ECPAS: variants seen among roughly 807,000 people sequenced by gnomAD.
ECPAS encodes the protein proteasome adapter and scaffold protein ECM29.
A neutral mutation model predicts 255.1 loss-of-function variants in ECPAS; 70 were observed. That is an observed-to-expected ratio of 0.27 (90% CI 0.23 to 0.33). ECPAS has a LOEUF of 0.33. Among genes scored for constraint, ECPAS ranks in the 10% least tolerant of loss-of-function variants. ECPAS has a pLI of 1.00. For missense variants in ECPAS, 1,817 were observed against 2,206.4 expected, an observed-to-expected ratio of 0.82 and a Z score of 3.54; for synonymous variants, 784 against 775.0, an observed-to-expected ratio of 1.01 and a Z score of -0.19.
chr9:111,472,950 A>C lies in ECPAS; in HGVS notation c.-32T>G, dbSNP rs1009035338. On this transcript the variant is annotated 5_prime_UTR_variant, in exon 2 of 50. Coordinates refer to ENST00000684092, the MANE Select transcript of ECPAS (RefSeq NM_001364929.1). ...TCCAATCTTGACAAAAATCCTCGGG[A>C]TCACCAATGGTACGTTCATCCACTC... The C allele has an allele frequency of 4.0e-6, 5 of 1,245,522 alleles. No homozygotes were observed. The highest frequency in any genetic ancestry group is 1.6e-5 in the African/African-American group (1 of 62,858). The allele number at this position is 1,245,522 out of a possible 1,614,324, so 77.2% of individuals were successfully genotyped here.
At chr9:111,366,747 G>A in intron 46 of ECPAS, 120 bp from the exon 47 acceptor site, 3 of 658,656 alleles carry the variant, frequency 4.6e-6, no homozygotes, top group Non-Finnish European at 5.5e-6. Flanking sequence ...AAAGAGAGAA[G>A]GTGGGGAGGA....
At chr9:111,407,409 A>AAAAAAAAAAC (rs2098186105) in intron 24 of ECPAS, among the ~76,000 whole-genome samples, 1 of 112,436 alleles carries the variant, frequency 8.9e-6, no homozygotes, top group Non-Finnish European at 1.7e-5. Flanking sequence ...CTCAGAAAAA[A>AAAAAAAAAAC]AAAAAAAAAA....
chr9:111,421,865 G>C, intron 15 of ECPAS, 56 bp downstream of exon 15: 1 of 1,574,496 alleles, frequency 6.4e-7, no homozygotes, highest in Non-Finnish European at 8.6e-7. Flanking sequence ...TTCAAATTTT[G>C]TTCTTAAAAA....
rs1169448548 is a variant in ECPAS, at chr9:111,411,005, G to C, written c.2352C>G (p.Leu784=). The C allele has an allele frequency of 1.2e-6, 2 of 1,613,834 alleles. No homozygotes were observed. The highest frequency in any genetic ancestry group is 1.7e-6 in the Non-Finnish European group (2 of 1,179,812). Residue 784 remains leucine (L), a synonymous_variant, in exon 22 of 50, where the codon CTC becomes CTG. Transcript: ENST00000684092. ...NADTLPDQEE[L]IQSATETIGS... ...CTATTGTTTCTGTAGCACTCTGAAT[G>C]AGTTCCTCTTGATCAGGGAGGGTGT...
chr9:111,417,834 T>C (rs1254868956), intron 17 of ECPAS, 49 bp downstream of exon 17: 1 of 1,465,784 alleles, frequency 6.8e-7, no homozygotes, highest in Non-Finnish European at 9.1e-7. Context: ...GTTTTTATTT[T>C]CATCATCCAT....
At chr9:111,427,999 A>T in intron 10 of ECPAS, 43 bp downstream of exon 10, 1 of 1,584,906 alleles carries the variant, frequency 6.3e-7, no homozygotes, top group South Asian at 1.2e-5. Flanking sequence ...AATAGACATA[A>T]AAGTTGCAGA....
chr9:111,471,232 C>G (rs2098287652), intron 2 of ECPAS, among the ~76,000 whole-genome samples: 1 of 152,194 alleles, frequency 6.6e-6, no homozygotes, highest in Admixed American at 6.5e-5. Flanking sequence ...CCCAAAAGCT[C>G]TAGGAGTTAA....
At position 111,412,169 on chromosome 9, in the gene ECPAS, AC is replaced by A. The variant is rs201566546; in HGVS notation, c.2080-22del. 3,476 of 1,540,862 alleles carry A rather than the reference AC, an allele frequency of 2.3e-3. 69 individuals carry two copies. In the African/African-American group the frequency reaches 0.045, roughly 20 times the overall value. On this transcript the variant is annotated intron_variant, in intron 20 of 49. Transcript: ENST00000684092. ...AGACTCTGAGCAGTATAAAAAAAAA[AC>A]AAATATATACATGACACAGAACCAC... is the stretch of plus-strand genomic sequence containing the variant.
At chr9:111,404,564 C>T (rs1444567145) in intron 24 of ECPAS, among the ~76,000 whole-genome samples, 1 of 148,990 alleles carries the variant, frequency 6.7e-6, no homozygotes, top group Non-Finnish European at 1.5e-5. Context: ...TAGCACCTCC[C>T]GCTTTGTTAT....
chr9:111,416,688 C>G (rs900084740), intron 17 of ECPAS, among the ~76,000 whole-genome samples: 3 of 152,176 alleles, frequency 2.0e-5, no homozygotes, highest in African/African-American at 4.8e-5. Flanking sequence ...AGAGAATCTT[C>G]TGACCACAAA....
chr9:111,460,223 T>C (rs2098271592), intron 2 of ECPAS, among the ~76,000 whole-genome samples: 1 of 152,188 alleles, frequency 6.6e-6, no homozygotes, highest in African/African-American at 2.4e-5. Flanking sequence ...AATCATATGA[T>C]CATCTCAATA....
At chr9:111,426,432 T>C (rs2098221731) in intron 10 of ECPAS, among the ~76,000 whole-genome samples, 1 of 152,042 alleles carries the variant, frequency 6.6e-6, no homozygotes, top group African/African-American at 2.4e-5. Flanking sequence ...CTGATCTTAT[T>C]TAACAATAAC....
At chr9:111,395,387 G>A (rs1298131433) in intron 25 of ECPAS, among the ~76,000 whole-genome samples, 1 of 152,044 alleles carries the variant, frequency 6.6e-6, no homozygotes, top group African/African-American at 2.4e-5. Context: ...GACATCCAAA[G>A]GCTAAGAAGC....
chr9:111,475,298 G>C (rs1472026994), intron 1 of ECPAS, among the ~76,000 whole-genome samples: 1 of 152,192 alleles, frequency 6.6e-6, no homozygotes. Context: ...CTCAGCAACA[G>C]GGATCAAACC....
intron 18 of ECPAS, 41 bp downstream of exon 18, chr9:111,416,230 GA>G (rs1258827740): frequency 1.4e-6 from 2 of 1,463,278 alleles, no homozygotes; most frequent in African/African-American, 2.8e-5. Flanking sequence ...GATCTTTTTA[GA>G]ACACTTACAA....
At chr9:111,425,678 C>T in intron 11 of ECPAS, 65 bp downstream of exon 11, 1 of 1,050,962 alleles carries the variant, frequency 9.5e-7, no homozygotes, top group Non-Finnish European at 1.4e-6. Flanking sequence ...TAAAACGATA[C>T]ACTTGAAGCA....
intron 34 of ECPAS, among the ~76,000 whole-genome samples, chr9:111,383,626 A>G (rs796345516): frequency 6.6e-6 from 1 of 152,220 alleles, no homozygotes; most frequent in South Asian, 2.1e-4. Context: ...AAAGCACTTT[A>G]AAAAAGGTTT....
At chr9:111,462,181 T>C (rs2098273974) in intron 2 of ECPAS, among the ~76,000 whole-genome samples, 1 of 152,114 alleles carries the variant, frequency 6.6e-6, no homozygotes, top group African/African-American at 2.4e-5. Flanking sequence ...TACCTCGAGA[T>C]AGGAAAAGAT....
chr9:111,419,735 CTT>C (rs2098210312), intron 16 of ECPAS, among the ~76,000 whole-genome samples: 1 of 150,640 alleles, frequency 6.6e-6, no homozygotes, highest in Non-Finnish European at 1.5e-5. Flanking sequence ...TTTATTTACA[CTT>C]GACCATTTCA....
Sources: allele counts gnomAD v4.1 joint callset (sites outside exome capture counted in the v4.1 genomes callset), GRCh38; gene constraint gnomAD v4.1.1; transcripts MANE v1.5; gene names NCBI Gene and HGNC (gene_info 2026-07-23, HGNC 2026-07-21).